The following PTP4A1 variants were observed in gnomAD, a reference collection of about 807,000 sequenced individuals.
PTP4A1 encodes protein tyrosine phosphatase type IVA 1.
Under a neutral mutation model 20.5 loss-of-function variants are expected in PTP4A1, and 9 were observed. That is an observed-to-expected ratio of 0.44 (90% confidence interval 0.26 to 0.77). The LOEUF is 0.77. Ranked by LOEUF, PTP4A1 falls within the 30% of genes least tolerant of loss-of-function variation. The probability of loss-of-function intolerance (pLI) is 0.19; values close to 1 mark genes in which losing one functional copy is unlikely to be tolerated. For missense variants in PTP4A1, 137 were observed against 218.8 expected (o/e 0.63, Z 2.36); for synonymous variants, 78 against 67.4 (o/e 1.16, Z -0.77).
chr6:63,571,023 T>C (rs1561912377), upstream of PTP4A1: 1 of 152,202 alleles, frequency 6.6e-6, no homozygotes, highest in Non-Finnish European at 1.5e-5. Flanking sequence ...TTTAAATCAT[T>C]TATTTGTAAA....
intron 3 of PTP4A1, among the ~76,000 whole-genome samples, chr6:63,566,707 G>A (rs971779634): frequency 2.0e-5 from 3 of 152,202 alleles, no homozygotes; most frequent in African/African-American, 7.2e-5. Flanking sequence ...AGGTTAAGGT[G>A]GCTGTGGCAA....
At chr6:63,545,193 C>G (rs187166648) in intron 2 of PTP4A1, among the ~76,000 whole-genome samples, 2 of 152,298 alleles carry the variant, frequency 1.3e-5, no homozygotes, top group East Asian at 3.9e-4. Flanking sequence ...TTTTGATACT[C>G]AAATCGTCCC....
In PTP4A1 at chr6:63,580,630, A is replaced by G. The variant is rs948501708; in HGVS notation, c.*456A>G. ...GTGGTTTATTCCTTCAATCATTTCA[A>G]ACATTGAAAGTAGGGCCTACATGGT... On this transcript the variant is annotated 3_prime_UTR_variant, in exon 6 of 6. Coordinates refer to ENST00000626021, the MANE Select transcript of PTP4A1 (RefSeq NM_003463.5). The G allele has an allele frequency of 1.3e-5, 2 of 153,832 alleles. No homozygotes were observed. The highest frequency in any genetic ancestry group is 2.9e-5 in the Non-Finnish European group (2 of 68,818). The allele number at this position is 153,832 out of a possible 1,614,324, so 9.5% of individuals were successfully genotyped here. A position where few individuals can be genotyped will look rare whatever the true frequency, so the allele number is the denominator to read the frequency against.
At chr6:63,578,269 C>T (rs956506190) in intron 2 of PTP4A1, among the ~76,000 whole-genome samples, 168 bp from the exon 3 acceptor site, 5 of 152,224 alleles carry the variant, frequency 3.3e-5, no homozygotes, top group Non-Finnish European at 5.9e-5. Flanking sequence ...AGCATTGTCA[C>T]TTAAAACAAA....
intron 3 of PTP4A1, among the ~76,000 whole-genome samples, chr6:63,553,821 C>T (rs537028709): frequency 6.6e-6 from 1 of 152,232 alleles, no homozygotes; most frequent in Admixed American, 6.5e-5. Flanking sequence ...AAAACCATTG[C>T]CCAGCCTGGG....
chr6:63,530,652 G>T (rs946348891), intron 2 of PTP4A1, among the ~76,000 whole-genome samples: 40 of 152,156 alleles, frequency 2.6e-4, no homozygotes, highest in African/African-American at 9.6e-4. Context: ...AGATAAAATT[G>T]TATTAAACTA....
At chr6:63,546,750 G>A (rs1776201650) in intron 2 of PTP4A1, among the ~76,000 whole-genome samples, 1 of 152,080 alleles carries the variant, frequency 6.6e-6, no homozygotes, top group South Asian at 2.1e-4. Flanking sequence ...GGATGACTAA[G>A]TTCTGGAGAT....
At chr6:63,577,610 G>A (rs1777951994) in intron 2 of PTP4A1, among the ~76,000 whole-genome samples, 1 of 152,000 alleles carries the variant, frequency 6.6e-6, no homozygotes, top group South Asian at 2.1e-4. Flanking sequence ...AGGCTGGAGT[G>A]CAGTGGCATG....
chr6:63,519,238 C>T (rs1774836629), upstream of PTP4A1, among the ~76,000 whole-genome samples: 1 of 149,072 alleles, frequency 6.7e-6, no homozygotes, highest in Admixed American at 6.7e-5. Context: ...ACCTGGGAGG[C>T]AGAGGTTGCA....
intron 1 of PTP4A1, among the ~76,000 whole-genome samples, chr6:63,573,001 G>A (rs1489099151): frequency 6.6e-6 from 1 of 152,146 alleles, no homozygotes; most frequent in Non-Finnish European, 1.5e-5. Flanking sequence ...GACGGGGGCG[G>A]CGCGGTCCGG....
intron 2 of PTP4A1, chr6:63,549,563 G>C: frequency 3.3e-6 from 2 of 599,808 alleles, no homozygotes; most frequent in African/African-American, 1.9e-5. Flanking sequence ...GACAAGATTT[G>C]AAGTTTTTTT....
intron 3 of PTP4A1, among the ~76,000 whole-genome samples, chr6:63,556,228 C>G (rs1379011316): frequency 5.3e-5 from 8 of 151,966 alleles, no homozygotes; most frequent in African/African-American, 1.9e-4. Context: ...GCCACAATCA[C>G]AGCTCACTGC....
chr6:63,532,648 A>C (rs1248988804), intron 2 of PTP4A1, among the ~76,000 whole-genome samples: 1 of 152,212 alleles, frequency 6.6e-6, no homozygotes, highest in Non-Finnish European at 1.5e-5. Context: ...TTTCAACCGA[A>C]GAGCAAGTAT....
intron 2 of PTP4A1, among the ~76,000 whole-genome samples, chr6:63,535,328 T>G (rs1224695618): frequency 6.6e-6 from 1 of 151,960 alleles, no homozygotes; most frequent in East Asian, 1.9e-4. Flanking sequence ...AAGCCAGGCA[T>G]AGTGGCATGC....
chr6:63,556,321 G>T (rs931372898), intron 3 of PTP4A1, among the ~76,000 whole-genome samples: 42 of 145,892 alleles, frequency 2.9e-4, no homozygotes, highest in African/African-American at 3.5e-4. Flanking sequence ...ATCAAACTTG[G>T]TTTTTTTTTT....
chr6:63,529,157 A>G (rs1160141042), intron 2 of PTP4A1, among the ~76,000 whole-genome samples: 2 of 103,086 alleles, frequency 1.9e-5, no homozygotes, highest in African/African-American at 5.0e-5. Context: ...ATGTATATAT[A>G]TGTGTGTATA....
In PTP4A1 at chr6:63,580,163, T is replaced by A; in HGVS notation, c.511T>A (p.Cys171Ser). The A allele has an allele frequency of 6.2e-7, 1 of 1,610,416 alleles. No individual in the cohort carries two copies. The highest frequency in any genetic ancestry group is 8.5e-7 in the Non-Finnish European group (1 of 1,176,958). The change falls in exon 6 of 6, where the codon TGC becomes AGC. Residue 171 changes from cysteine to serine, a missense_variant. Cys to Ser is a moderately radical substitution (Grantham distance 112). Coordinates refer to ENST00000626021, the MANE Select transcript of PTP4A1 (RefSeq NM_003463.5). ...TTCCAACGGTCATAGAAACAACTGT[T>A]GCATTCAATAAAATTGGGGTGCCTA... ...KDSNGHRNNC[C>S]IQ
rs376002045 is a variant in PTP4A1 at position 63,542,099 on chromosome 6, G to T, written c.-639-8201G>T. Among the ~76,000 whole-genome samples the T allele has an allele frequency of 1.5e-4, 22 of 150,418 alleles. No homozygotes were observed. The East Asian group carries it at 3.9e-3, about 27-fold the overall frequency. On this transcript the variant is annotated intron_variant, in intron 2 of 3. Coordinates refer to the PTP4A1 transcript ENST00000639568. Reference sequence around the variant, plus strand: ...ATGGAATACTACTCAGCCATAAAAAGGAATAAATTAATGGCATTCACAGCA... The same window carrying T: ...ATGGAATACTACTCAGCCATAAAAATGAATAAATTAATGGCATTCACAGCA...
rs944652333 is a variant in PTP4A1 at position 63,581,136 on chromosome 6, AGT to A, written c.*966_*967del. ...GTTTACCAACTTATTTTTGTTTGAA[AGT>A]GTGATTTTTTTTTTCCTTCCCAACC... On this transcript the variant is annotated 3_prime_UTR_variant, in exon 6 of 6. Transcript: ENST00000626021. The A allele has an allele frequency of 2.0e-5, 3 of 152,230 alleles. No individual in the cohort carries two copies. The highest frequency in any genetic ancestry group is 2.9e-5 in the Non-Finnish European group (2 of 67,972). 9.4% of individuals were successfully genotyped at this position (152,230 alleles called of 1,614,324 possible). A position where few individuals can be genotyped will look rare whatever the true frequency, so the allele number is the denominator to read the frequency against.
Sources: allele counts gnomAD v4.1 joint callset (sites outside exome capture counted in the v4.1 genomes callset), GRCh38; gene constraint gnomAD v4.1.1; transcripts MANE v1.5; gene names NCBI Gene and HGNC (gene_info 2026-07-23, HGNC 2026-07-21).